MYO16: variants seen among roughly 807,000 people sequenced by gnomAD.
MYO16 encodes the protein unconventional myosin-XVI.
In MYO16, 94 loss-of-function variants were observed where a neutral mutation model predicts 205.3. That is an observed-to-expected ratio of 0.46 (90% confidence interval 0.39 to 0.54). The LOEUF is 0.54. MYO16 is among the 20% of genes least tolerant of loss of function. MYO16 has a pLI of 0.00. For synonymous variants in MYO16, 988 were observed against 954.0 expected (o/e 1.04, Z -0.66); for missense variants, 2,315 against 2,387.5 (o/e 0.97, Z 0.63).
rs76507857 is a variant in MYO16, at chr13:108,692,388, T to C, written c.293-20273T>C. 3.6e-3 allele frequency among the ~76,000 whole-genome samples: 552 copies of C among 152,290 alleles called. 3 individuals carry two copies. Among genetic ancestry groups the C allele is most frequent in the African/African-American group, 0.013 (539 of 41,578 alleles). On this transcript the variant is annotated intron_variant, in intron 2 of 34. Transcript: ENST00000457511. ...AAATGTTTCAGGTAAAAACTGAAAG[T>C]GAGTAAATTAAAATAAAATGCTCTT...
At chr13:108,771,499 A>G (rs1227268078) in intron 4 of MYO16, among the ~76,000 whole-genome samples, 1 of 152,020 alleles carries the variant, frequency 6.6e-6, no homozygotes, top group Non-Finnish European at 1.5e-5. Context: ...ACCTATCGTT[A>G]GCACCCTAAG....
At chr13:108,993,169 T>A (rs1229393848) in intron 21 of MYO16, among the ~76,000 whole-genome samples, 1 of 152,124 alleles carries the variant, frequency 6.6e-6, no homozygotes, top group Non-Finnish European at 1.5e-5. Flanking sequence ...GGAATTTTCA[T>A]AGTTACGTAA....
the MYO16 span, among the ~76,000 whole-genome samples, chr13:108,568,166 C>A: frequency 1.3e-5 from 2 of 152,036 alleles, no homozygotes; most frequent in Non-Finnish European, 2.9e-5. Flanking sequence ...ATGTTGTGAG[C>A]ATTCATGTAT....
chr13:108,590,608 A>G, the MYO16 span, among the ~76,000 whole-genome samples: 1 of 152,192 alleles, frequency 6.6e-6, no homozygotes, highest in African/African-American at 2.4e-5. Context: ...CCCTGAGCCA[A>G]TGACTGATGT....
intron 1 of MYO16, among the ~76,000 whole-genome samples, chr13:108,605,125 A>C (rs1017756572): frequency 1.3e-5 from 2 of 152,206 alleles, no homozygotes; most frequent in African/African-American, 4.8e-5. Context: ...CCTGTATCAC[A>C]GTTATATGCT....
the MYO16 span, among the ~76,000 whole-genome samples, chr13:108,542,019 C>A: frequency 6.6e-6 from 1 of 152,114 alleles, no homozygotes; most frequent in Admixed American, 6.5e-5. Flanking sequence ...TGCTTATGTT[C>A]ATTGCAGCAC....
chr13:109,172,872 C>T (rs1878978848), intron 33 of MYO16, among the ~76,000 whole-genome samples: 1 of 152,142 alleles, frequency 6.6e-6, no homozygotes, highest in East Asian at 1.9e-4. Flanking sequence ...TCTCTGAAAC[C>T]ATGGAGGCTG....
At chr13:108,566,742 GAA>G in the MYO16 span, among the ~76,000 whole-genome samples, 42 of 58,174 alleles carry the variant, frequency 7.2e-4, no homozygotes, top group Non-Finnish European at 1.4e-3. Context: ...AGGGAGGAAG[GAA>G]GGAAGGAAGG....
chr13:109,168,581 T>C (rs1392052977), intron 33 of MYO16, among the ~76,000 whole-genome samples: 1 of 151,960 alleles, frequency 6.6e-6, no homozygotes, highest in Non-Finnish European at 1.5e-5. Flanking sequence ...AAAAATCAGC[T>C]GGGCTTGGTG....
rs775054349 is a variant in MYO16 at position 109,011,477 on chromosome 13, C to CT, written c.2595+2440dup. The stretch of plus-strand genomic sequence containing the variant: ...TCTTTGGATTTTATTTTTCTTTTTG[C>CT]TTTTTTTTTTTTCTTCCTTTCTTTT... On this transcript the variant is annotated intron_variant, in intron 22 of 34. Coordinates refer to ENST00000457511, the MANE Select transcript of MYO16 (RefSeq NM_001198950.3). Among the ~76,000 whole-genome samples, 172 of 125,688 alleles carry CT rather than the reference C, an allele frequency of 1.4e-3. 2 individuals are homozygous for CT. In the East Asian group the frequency reaches 0.024, roughly 18 times the overall value. 82.5% of individuals were successfully genotyped at this position (125,688 alleles called of 152,430 possible).
intron 1 of MYO16, among the ~76,000 whole-genome samples, chr13:108,659,959 G>A (rs953978155): frequency 6.6e-6 from 1 of 152,134 alleles, no homozygotes; most frequent in African/African-American, 2.4e-5. Context: ...TAGGAGAGCC[G>A]TGTGTGGTGG....
intron 16 of MYO16, among the ~76,000 whole-genome samples, chr13:108,934,912 T>G (rs1882412112): frequency 6.6e-6 from 1 of 152,030 alleles, no homozygotes; most frequent in African/African-American, 2.4e-5. Flanking sequence ...TTGCTGACTT[T>G]GTTGAGATTA....
chr13:108,864,012 G>C (rs1878583458), intron 11 of MYO16, among the ~76,000 whole-genome samples: 1 of 152,078 alleles, frequency 6.6e-6, no homozygotes. Flanking sequence ...CATACAATCT[G>C]TCTTGATGTC....
chr13:108,537,228 C>G, the MYO16 span, among the ~76,000 whole-genome samples: 1 of 152,112 alleles, frequency 6.6e-6, no homozygotes, highest in African/African-American at 2.4e-5. Context: ...TTAGTTCCCA[C>G]TTATAAGTGA....
intron 9 of MYO16, among the ~76,000 whole-genome samples, chr13:108,836,063 C>T (rs1049143203): frequency 1.3e-5 from 2 of 152,126 alleles, no homozygotes; most frequent in African/African-American, 4.8e-5. Context: ...AGCAGCCCCT[C>T]TCATCACAGG....
At chr13:109,193,028 G>A (rs1233889749) in intron 34 of MYO16, among the ~76,000 whole-genome samples, 2 of 151,988 alleles carry the variant, frequency 1.3e-5, no homozygotes, top group Non-Finnish European at 2.9e-5. Flanking sequence ...CAGAATTGTA[G>A]GAATATTGCT....
rs1183688187 is a variant in MYO16 at position 108,629,732 on chromosome 13, G to A, written c.-113G>A. The A allele has an allele frequency of 1.1e-6, 1 of 948,556 alleles. No homozygotes were observed. The highest frequency in any genetic ancestry group is 2.1e-5 in the Admixed American group (1 of 48,322). 58.8% of individuals were successfully genotyped at this position (948,556 alleles called of 1,614,324 possible). On this transcript the variant is annotated 5_prime_UTR_variant, in exon 1 of 35. Coordinates refer to ENST00000457511, the MANE Select transcript of MYO16 (RefSeq NM_001198950.3). ...GAGCCTCCATGCAATAGTGCATCCT[G>A]AGGTAAACTGTTACCTGAGTAAGGG...
intron 28 of MYO16, among the ~76,000 whole-genome samples, chr13:109,104,917 T>A (rs1264394698): frequency 6.6e-6 from 1 of 152,178 alleles, no homozygotes; most frequent in African/African-American, 2.4e-5. Context: ...TGCTTTGTTC[T>A]CCTCCATGGT....
rs371370650 is a variant in MYO16, at chr13:108,962,510, C to G, written c.2227+15C>G. On this transcript the variant is annotated intron_variant, in intron 19 of 34. Transcript: ENST00000457511. ...ATATTTTAAAGGTAATTTTTTTATG[C>G]TCTAACATCTTTGTGCAATTTAGAA... 1 of 1,518,268 alleles carries G rather than the reference C, an allele frequency of 6.6e-7. No individual in the cohort carries two copies. Among genetic ancestry groups the G allele is most frequent in the Non-Finnish European group, 9.0e-7 (1 of 1,113,334 alleles). 94.0% of individuals were successfully genotyped at this position (1,518,268 alleles called of 1,614,324 possible).
Sources: gnomAD v4.1 joint callset for allele counts (sites outside exome capture counted in the v4.1 genomes callset) on GRCh38, gnomAD v4.1.1 for gene constraint, MANE v1.5 for transcripts, NCBI Gene and HGNC (gene_info 2026-07-23, HGNC 2026-07-21) for gene names.